The following DDI2 variants were observed in gnomAD, a reference collection of about 807,000 sequenced individuals.
DDI2 encodes protein DDI1 homolog 2.
DDI2 carries 5 observed loss-of-function variants against 48.1 expected under a neutral mutation model. The ratio of observed to expected loss-of-function variants is 0.10; its 90% CI spans 0.05 to 0.22. DDI2 has a LOEUF of 0.22. Ranked by LOEUF, DDI2 falls within the 10% of genes least tolerant of loss-of-function variation. The pLI is 1.00. For missense variants in DDI2, 285 were observed against 506.2 expected (o/e 0.56, Z 4.19); for synonymous variants, 205 against 183.6 (o/e 1.12, Z -0.94).
chr1:15,630,647 CTG>C (rs1639828511), intron 3 of DDI2, 86 bp downstream of exon 3: 2 of 903,622 alleles, frequency 2.2e-6, no homozygotes, highest in African/African-American at 3.3e-5. Flanking sequence ...TCAAGCGACA[CTG>C]TGTCACATGA....
intron 8 of DDI2, among the ~76,000 whole-genome samples, chr1:15,654,178 C>G (rs1170845383): frequency 6.6e-6 from 1 of 152,110 alleles, no homozygotes; most frequent in African/African-American, 2.4e-5. Flanking sequence ...TAGCTTTATC[C>G]TAAAGACGAA....
intron 1 of DDI2, among the ~76,000 whole-genome samples, chr1:15,623,559 T>TATG (rs1639704258): frequency 6.7e-6 from 1 of 149,906 alleles, no homozygotes; most frequent in Non-Finnish European, 1.5e-5. Context: ...ATGCCTGGCT[T>TATG]ATTATTATTA....
intron 3 of DDI2, 30 bp downstream of exon 3, chr1:15,630,591 G>A: frequency 2.0e-6 from 3 of 1,501,366 alleles, no homozygotes; most frequent in Non-Finnish European, 2.8e-6. Flanking sequence ...AGGCTATTAG[G>A]CTGGCCTGAG....
chr1:15,643,088 C>T (rs1199647058), intron 5 of DDI2, among the ~76,000 whole-genome samples: 1 of 152,038 alleles, frequency 6.6e-6, no homozygotes, highest in African/African-American at 2.4e-5. Context: ...AAAACATTAG[C>T]TGGACATGAT....
intron 8 of DDI2, among the ~76,000 whole-genome samples, chr1:15,655,858 C>G (rs556898016): frequency 6.6e-6 from 1 of 151,412 alleles, no homozygotes; most frequent in South Asian, 2.1e-4. Context: ...CTGGGGAGAT[C>G]AAGGCTACAG....
At chr1:15,627,977 G>A (rs953764758) in intron 2 of DDI2, among the ~76,000 whole-genome samples, 4 of 152,010 alleles carry the variant, frequency 2.6e-5, no homozygotes, top group African/African-American at 7.3e-5. Flanking sequence ...GAAGTTAAAC[G>A]TATTTAAACA....
At chr1:15,656,311 A>G (rs1380903679) in intron 8 of DDI2, 1 of 862,256 alleles carries the variant, frequency 1.2e-6, no homozygotes, top group African/African-American at 1.8e-5. Context: ...TAATTCGATC[A>G]GGTGGATCTA....
chr1:15,630,463 C>G lies in DDI2; in HGVS notation c.407C>G (p.Ala136Gly), dbSNP rs1247301536. The change falls in exon 3 of 10, where the codon GCC becomes GGC. Residue 136 changes from alanine (A) to glycine (G), a missense_variant. Transcript: ENST00000480945. The part of the protein sequence containing the change: ...TSSPQGLDNP[A>G]LLRDMLLANP... ...TCTCCTCAGGGCTTGGACAATCCAG[C>G]CTTGCTCCGAGATATGTTGCTGGCC... is the stretch of plus-strand genomic sequence containing the variant. 2 of 1,614,094 alleles carry G rather than the reference C, an allele frequency of 1.2e-6. No individual in the cohort carries two copies. Among genetic ancestry groups the G allele is most frequent in the African/African-American group, 1.3e-5 (1 of 74,930 alleles).
At chr1:15,646,190 T>C (rs1640087009) in intron 6 of DDI2, among the ~76,000 whole-genome samples, 2 of 152,230 alleles carry the variant, frequency 1.3e-5, no homozygotes, top group Admixed American at 1.3e-4. Flanking sequence ...GGGCTAACTG[T>C]GCCTCTGCGG....
intron 1 of DDI2, among the ~76,000 whole-genome samples, chr1:15,626,169 T>C (rs980330346): frequency 1.3e-5 from 2 of 152,230 alleles, no homozygotes; most frequent in African/African-American, 2.4e-5. Flanking sequence ...GCATCAGTTA[T>C]ATAACAGGCC....
intron 7 of DDI2, 104 bp downstream of exon 7, chr1:15,649,927 G>A (rs1436598460): frequency 4.4e-6 from 5 of 1,132,660 alleles, no homozygotes; most frequent in Admixed American, 6.2e-5. Context: ...AAGAAATAAC[G>A]ACTTTTCAAA....
At chr1:15,622,423 A>G (rs974548596) in intron 1 of DDI2, among the ~76,000 whole-genome samples, 1 of 152,188 alleles carries the variant, frequency 6.6e-6, no homozygotes, top group Non-Finnish European at 1.5e-5. Flanking sequence ...CTCATGCTTA[A>G]AAGTTCTGAA....
chr1:15,649,349 A>G (rs768437707), intron 6 of DDI2, among the ~76,000 whole-genome samples: 6 of 146,736 alleles, frequency 4.1e-5, no homozygotes, highest in Non-Finnish European at 7.5e-5. Flanking sequence ...GCAACAGAGC[A>G]AGACTCTGTC....
intron 4 of DDI2, among the ~76,000 whole-genome samples, chr1:15,635,415 C>G (rs1362532516): frequency 6.6e-6 from 1 of 152,008 alleles, no homozygotes; most frequent in Non-Finnish European, 1.5e-5. Flanking sequence ...TCTTCCCCAC[C>G]CCAGGCCCAA....
At chr1:15,634,206 T>C (rs1639891292) in intron 4 of DDI2, 1 of 157,948 alleles carries the variant, frequency 6.3e-6, no homozygotes, top group Admixed American at 6.3e-5. Flanking sequence ...TGAATCAGAA[T>C]TGTCGGGCAT....
At position 15,665,515 on chromosome 1, in the gene DDI2, T is replaced by G. The variant is rs1640439565; in HGVS notation, c.*5725T>G. The G allele has an allele frequency of 6.6e-6, 1 of 152,194 alleles. No individual in the cohort carries two copies. The highest frequency in any genetic ancestry group is 1.5e-5 in the Non-Finnish European group (1 of 68,028). The allele number at this position is 152,194 out of a possible 1,614,324, so 9.4% of individuals were successfully genotyped here. On this transcript the variant is annotated 3_prime_UTR_variant, in exon 10 of 10. Coordinates refer to ENST00000480945, the MANE Select transcript of DDI2 (RefSeq NM_032341.5). ...AACCAGTTAATGTGGAATCTGCTGG[T>G]TGTCTTACTACAGCTTTCTATCTCC...
At chr1:15,650,493 C>G (rs1640160169) in intron 7 of DDI2, among the ~76,000 whole-genome samples, 1 of 152,030 alleles carries the variant, frequency 6.6e-6, no homozygotes, top group Non-Finnish European at 1.5e-5. Flanking sequence ...GCCTGTAATT[C>G]CAGCATTTTG....
rs1377854556 is a variant in DDI2, at chr1:15,665,126, G to A, written c.*5336G>A. 6.6e-6 allele frequency: 1 copy of A among 152,536 alleles called. No homozygotes were observed. Among genetic ancestry groups the A allele is most frequent in the Non-Finnish European group, 1.5e-5 (1 of 68,352 alleles). The allele number at this position is 152,536 out of a possible 1,614,324, so 9.4% of individuals were successfully genotyped here. Reference sequence around the variant, plus strand: ...AAAATACAAAAATTAGCCGGGTGTGGTGGCCCATGCCTGTAATTCCAGCTA... The same window carrying A: ...AAAATACAAAAATTAGCCGGGTGTGATGGCCCATGCCTGTAATTCCAGCTA... On this transcript the variant is annotated 3_prime_UTR_variant, in exon 10 of 10. Transcript: ENST00000480945.
In DDI2 at chr1:15,644,578, GTTTTTTTTGTTTTTTTTT is replaced by G. The variant is rs1206016901; in HGVS notation, c.889+937_889+954del. On this transcript the variant is annotated intron_variant, in intron 6 of 9. Transcript: ENST00000480945. Reference sequence around the variant, plus strand: ...TGTGAAAGTTTTCTTTTTCTTTTCAGTTTTTTTTGTTTTTTTTTTTTTTTTTTTTTTTTGAGACGGAGT... The same window carrying G: ...TGTGAAAGTTTTCTTTTTCTTTTCAGTTTTTTTTTTTTTTTGAGACGGAGT... Among the ~76,000 whole-genome samples, 6 of 110,152 alleles carry G rather than the reference GTTTTTTTTGTTTTTTTTT, an allele frequency of 5.4e-5. No individual in the cohort carries two copies. The South Asian group carries it at 8.5e-4, about 16-fold the overall frequency. The allele number at this position is 110,152 out of a possible 152,430, so 72.3% of individuals were successfully genotyped here.
Sources: allele counts gnomAD v4.1 joint callset (sites outside exome capture counted in the v4.1 genomes callset), GRCh38; gene constraint gnomAD v4.1.1; transcripts MANE v1.5; gene names NCBI Gene and HGNC (gene_info 2026-07-23, HGNC 2026-07-21).